HADHB: variants seen among roughly 807,000 people sequenced by gnomAD.
The protein encoded by HADHB is trifunctional enzyme subunit beta, mitochondrial.
HADHB carries 50 observed loss-of-function variants against 61.9 expected under a neutral mutation model. The observed-to-expected ratio is 0.81, with a 90% confidence interval of 0.64 to 1.02. The LOEUF (loss-of-function observed/expected upper bound fraction) is 1.02, where lower values mean the gene tolerates loss of function less well. Among genes scored for constraint, HADHB ranks in the 50% least tolerant of loss-of-function variants. The pLI is 0.00. For synonymous variants in HADHB, 191 were observed against 201.6 expected (o/e 0.95, Z 0.45); for missense variants, 504 against 586.5 (o/e 0.86, Z 1.45).
Position 26,249,671 on chromosome 2 carries a change from T to A in HADHB, c.-8-4576T>A, listed in dbSNP as rs557033430. ...GTTTGGTGTTAGCTCTATCTTAGCC[T>A]AGCTTTGTTAATGTTTGCAAATTGC... On this transcript the variant is annotated intron_variant, in intron 1 of 15. Transcript: ENST00000317799. Among the ~76,000 whole-genome samples, 3 of 151,960 alleles carry A rather than the reference T, an allele frequency of 2.0e-5. No individual in the cohort carries two copies. The South Asian group carries it at 6.2e-4, about 32-fold the overall frequency.
intron 15 of HADHB, among the ~76,000 whole-genome samples, chr2:26,288,716 A>C (rs911054477): frequency 2.0e-5 from 3 of 152,052 alleles, no homozygotes; most frequent in Non-Finnish European, 4.4e-5. Flanking sequence ...TTCAAAAAAA[A>C]CAGAAAAACC....
At chr2:26,286,756 T>G (rs1449999180) in intron 15 of HADHB, among the ~76,000 whole-genome samples, 5 of 148,380 alleles carry the variant, frequency 3.4e-5, no homozygotes, top group African/African-American at 1.2e-4. Context: ...TCCGCCTACC[T>G]CAGCCTCCCA....
In HADHB at chr2:26,283,016, T is replaced by C. The variant is rs1250402557; in HGVS notation, c.1026T>C (p.Tyr342=). 5 of 1,609,486 alleles carry C rather than the reference T, an allele frequency of 3.1e-6. No individual in the cohort carries two copies. In the Middle Eastern group the frequency reaches 5.0e-4, roughly 160 times the overall value. The change falls in exon 12 of 16, where the codon TAT becomes TAC. Residue 342 remains tyrosine (Y), a synonymous_variant. Coordinates refer to ENST00000317799, the MANE Select transcript of HADHB (RefSeq NM_000183.3). ...KPKAYLRDFM[Y]VSQDPKDQLL... ...TTTTTTTACCTAGGGATTTTATGTA[T>C]GTGTCTCAGGATCCAAAAGATCAAC... is the stretch of plus-strand genomic sequence containing the variant.
intron 3 of HADHB, 140 bp from the exon 4 acceptor site, chr2:26,263,240 A>C: frequency 3.6e-6 from 2 of 554,676 alleles, no homozygotes; most frequent in Non-Finnish European, 6.5e-6. Context: ...CAGAGGTTGC[A>C]GTGAGCCGAG....
Position 26,273,765 on chromosome 2 carries a change from C to T in HADHB, c.354+15C>T. On this transcript the variant is annotated intron_variant, in intron 6 of 15. Transcript: ENST00000317799. ...TGGCTAGAGAGGTGAGTAAAACAAACTTTATGTTGTTTAAAGAGTGATAGG... is the reference window on the plus strand; with the variant it reads ...TGGCTAGAGAGGTGAGTAAAACAAATTTTATGTTGTTTAAAGAGTGATAGG... 7.9e-7 allele frequency: 1 copy of T among 1,267,570 alleles called. No individual in the cohort carries two copies. The highest frequency in any genetic ancestry group is 1.2e-6 in the Non-Finnish European group (1 of 863,428). The allele number at this position is 1,267,570 out of a possible 1,614,324, so 78.5% of individuals were successfully genotyped here.
At chr2:26,268,872 C>T (rs1280015765) in intron 4 of HADHB, among the ~76,000 whole-genome samples, 1 of 152,028 alleles carries the variant, frequency 6.6e-6, no homozygotes, top group Non-Finnish European at 1.5e-5. Context: ...GAAGGCTGGG[C>T]GCGGTGACTC....
At chr2:26,273,296 T>G (rs1273389865) in intron 5 of HADHB, among the ~76,000 whole-genome samples, 1 of 152,108 alleles carries the variant, frequency 6.6e-6, no homozygotes. Context: ...AGACTTTGCT[T>G]TATCTCTTTG....
intron 5 of HADHB, among the ~76,000 whole-genome samples, chr2:26,271,116 C>T (rs1426196699): frequency 6.9e-6 from 1 of 145,182 alleles, no homozygotes; most frequent in South Asian, 2.2e-4. Flanking sequence ...AGGATGGTGT[C>T]GATCTCCTGA....
At chr2:26,277,894 G>T (rs1164803521) in intron 7 of HADHB, among the ~76,000 whole-genome samples, 1 of 152,228 alleles carries the variant, frequency 6.6e-6, no homozygotes, top group East Asian at 1.9e-4. Flanking sequence ...CATTGCTTTA[G>T]ATGGCACAGC....
intron 10 of HADHB, among the ~76,000 whole-genome samples, chr2:26,282,463 C>T (rs373436817): frequency 3.3e-5 from 5 of 151,844 alleles, no homozygotes; most frequent in African/African-American, 4.8e-5. Flanking sequence ...GGTTTCACCG[C>T]GTTAGCCAGG....
At chr2:26,267,267 A>G (rs1672124951) in intron 4 of HADHB, among the ~76,000 whole-genome samples, 1 of 152,090 alleles carries the variant, frequency 6.6e-6, no homozygotes, top group Non-Finnish European at 1.5e-5. Context: ...TTGAAGAATG[A>G]TTAGGGCTGA....
At chr2:26,278,561 G>A (rs776385012) in intron 7 of HADHB, 53 bp from the exon 8 acceptor site, 2 of 1,390,002 alleles carry the variant, frequency 1.4e-6, no homozygotes, top group Non-Finnish European at 2.1e-6. Context: ...AAATTGGAAT[G>A]GTATGTTATT....
At chr2:26,250,915 A>G (rs1275842851) in intron 1 of HADHB, among the ~76,000 whole-genome samples, 6 of 151,232 alleles carry the variant, frequency 4.0e-5, no homozygotes, top group Non-Finnish European at 8.8e-5. Context: ...TTTAAAATAT[A>G]TACATTTAAA....
intron 3 of HADHB, among the ~76,000 whole-genome samples, chr2:26,259,498 A>C (rs1476158588): frequency 6.6e-6 from 1 of 151,668 alleles, no homozygotes; most frequent in Admixed American, 6.6e-5. Context: ...GTTCCCCTAC[A>C]CTCCCTTGTA....
rs902876399 is a variant in HADHB, at chr2:26,244,948, T to C, written c.-51T>C. ...CCCGCAGAGCCTTGGTACTTGGACC[T>C]GAACCTTGCTCCGAGAGGGAGTCCT... is the stretch of plus-strand genomic sequence containing the variant. On this transcript the variant is annotated 5_prime_UTR_variant, in exon 1 of 16. Coordinates refer to ENST00000317799, the MANE Select transcript of HADHB (RefSeq NM_000183.3). 8.0e-6 allele frequency: 3 copies of C among 376,306 alleles called. No individual in the cohort carries two copies. The highest frequency in any genetic ancestry group is 7.4e-5 in the Admixed American group (2 of 26,892). The allele number at this position is 376,306 out of a possible 1,614,324, so 23.3% of individuals were successfully genotyped here. A position where few individuals can be genotyped will look rare whatever the true frequency, so the allele number is the denominator to read the frequency against.
intron 1 of HADHB, among the ~76,000 whole-genome samples, chr2:26,253,846 T>A (rs1671496985): frequency 8.2e-6 from 1 of 122,404 alleles, no homozygotes. Flanking sequence ...AGAGCAAAAC[T>A]CCATCTCAAA....
intron 6 of HADHB, among the ~76,000 whole-genome samples, chr2:26,274,593 G>A (rs1056016166): frequency 6.6e-6 from 1 of 152,146 alleles, no homozygotes; most frequent in Non-Finnish European, 1.5e-5. Flanking sequence ...AACTAACTGT[G>A]TGCTGTTGAG....
At chr2:26,255,278 T>C (rs1179245553) in intron 3 of HADHB, among the ~76,000 whole-genome samples, 1 of 152,162 alleles carries the variant, frequency 6.6e-6, no homozygotes, top group Non-Finnish European at 1.5e-5. Context: ...GGCAGGTGGA[T>C]GGCCTGAGGT....
chr2:26,290,434 G>A lies in HADHB; in HGVS notation c.*481G>A. ...AAATGTTTAGATACATAAATATGGT[G>A]GTCAGCGTTAATAAAGTGGAGAAAT... On this transcript the variant is annotated 3_prime_UTR_variant, in exon 16 of 16. Transcript: ENST00000317799. The A allele has an allele frequency of 1.7e-5, 3 of 179,866 alleles. No homozygotes were observed. Among genetic ancestry groups the A allele is most frequent in the Admixed American group, 1.7e-4 (3 of 18,132 alleles). 11.1% of individuals were successfully genotyped at this position (179,866 alleles called of 1,614,324 possible).
Sources: gnomAD v4.1 joint callset for allele counts (sites outside exome capture counted in the v4.1 genomes callset) on GRCh38, gnomAD v4.1.1 for gene constraint, MANE v1.5 for transcripts, NCBI Gene and HGNC (gene_info 2026-07-23, HGNC 2026-07-21) for gene names.